The following FMN1 variants were observed in gnomAD, a reference collection of about 807,000 sequenced individuals.
The protein encoded by FMN1 is formin 1, also known as formin-1.
Under a neutral mutation model 132.4 loss-of-function variants are expected in FMN1, and 110 were observed. That is an observed-to-expected ratio of 0.83 (90% CI 0.71 to 0.97). FMN1 has a LOEUF of 0.97. FMN1 is among the 50% of genes least tolerant of loss of function. FMN1 has a pLI of 0.00. For synonymous variants in FMN1, 722 were observed against 651.7 expected, an observed-to-expected ratio of 1.11 and a Z score of -1.64; for missense variants, 1,792 against 1,705.3, an observed-to-expected ratio of 1.05 and a Z score of -0.90.
chr15:33,124,791 T>A (rs149073242), intron 4 of FMN1, among the ~76,000 whole-genome samples: 2 of 151,980 alleles, frequency 1.3e-5, no homozygotes, highest in African/African-American at 4.8e-5. Flanking sequence ...TTTTGTTTTC[T>A]TTTTTGCATG....
chr15:33,125,157 T>C (rs7181962), intron 4 of FMN1, among the ~76,000 whole-genome samples: 18,192 of 152,206 alleles, frequency 0.12, 3,249 homozygotes, highest in African/African-American at 0.39. Flanking sequence ...AATGCAGAGT[T>C]TGAATCCCTG....
At chr15:32,810,996 T>A (rs772221442) in intron 17 of FMN1, 1 of 456,300 alleles carries the variant, frequency 2.2e-6, no homozygotes, top group Non-Finnish European at 4.4e-6. Context: ...ATCCGTCTGA[T>A]GTGAGTGTGG....
chr15:33,142,359 A>C (rs764308693), intron 4 of FMN1, among the ~76,000 whole-genome samples: 36 of 152,338 alleles, frequency 2.4e-4, no homozygotes, highest in Non-Finnish European at 4.6e-4. Flanking sequence ...TCTTGAGTTT[A>C]ATCTTGTTCC....
intron 5 of FMN1, among the ~76,000 whole-genome samples, chr15:33,081,874 G>A (rs1595430958): frequency 6.6e-6 from 1 of 152,108 alleles, no homozygotes; most frequent in Non-Finnish European, 1.5e-5. Context: ...ATTACATCCA[G>A]GTTCATAAGA....
chr15:33,019,337 G>C (rs918302637), intron 6 of FMN1, among the ~76,000 whole-genome samples: 14 of 152,192 alleles, frequency 9.2e-5, no homozygotes, highest in African/African-American at 3.1e-4. Context: ...GCTAGATACA[G>C]AGTGCCAATT....
intron 5 of FMN1, among the ~76,000 whole-genome samples, chr15:33,079,862 A>G (rs1326571417): frequency 6.6e-6 from 1 of 152,216 alleles, no homozygotes; most frequent in Admixed American, 6.5e-5. Context: ...CATGACTTAA[A>G]GCGATGAGGA....
intron 17 of FMN1, among the ~76,000 whole-genome samples, chr15:32,840,103 G>A (rs2058713720): frequency 6.6e-6 from 1 of 152,172 alleles, no homozygotes; most frequent in Non-Finnish European, 1.5e-5. Context: ...AATGGGCTGG[G>A]GGCAGCTTGA....
In FMN1 at chr15:33,107,012, T is replaced by TA. The variant is rs538933340; in HGVS notation, c.1868-18039dup. On this transcript the variant is annotated intron_variant, in intron 4 of 20. Transcript: ENST00000616417. Reference sequence around the variant, plus strand: ...ATCTCATACAGGCACCCAAGTACTCTACTCATTGCTTGGCTAATACTCATT... The same window carrying TA: ...ATCTCATACAGGCACCCAAGTACTCTAACTCATTGCTTGGCTAATACTCATT... 4.5e-3 allele frequency among the ~76,000 whole-genome samples: 683 copies of TA among 152,196 alleles called. 2 individuals carry two copies. Among genetic ancestry groups the TA allele is most frequent in the Admixed American group, 7.2e-3 (110 of 15,264 alleles).
At chr15:33,173,008 C>T (rs1965386133) in intron 3 of FMN1, among the ~76,000 whole-genome samples, 1 of 152,108 alleles carries the variant, frequency 6.6e-6, no homozygotes. Flanking sequence ...TTTTCTAATA[C>T]AAGGGCAATA....
At chr15:32,823,184 C>CA (rs1207639768) in intron 17 of FMN1, among the ~76,000 whole-genome samples, 11 of 88,898 alleles carry the variant, frequency 1.2e-4, no homozygotes, top group African/African-American at 6.1e-4. Flanking sequence ...TTTTTTGAGA[C>CA]AGAGTCTTGC....
At chr15:33,109,063 C>A (rs532779791) in intron 4 of FMN1, among the ~76,000 whole-genome samples, 8 of 151,372 alleles carry the variant, frequency 5.3e-5, no homozygotes, top group Non-Finnish European at 1.0e-4. Context: ...ATAACTTTAC[C>A]ATTTATAACC....
At chr15:33,127,969 G>A (rs572761482) in intron 4 of FMN1, among the ~76,000 whole-genome samples, 2 of 152,192 alleles carry the variant, frequency 1.3e-5, no homozygotes, top group South Asian at 2.1e-4. Context: ...AAAGAAAGGG[G>A]AAAGGAAGGT....
chr15:32,932,768 A>G (rs1415105557), intron 9 of FMN1, among the ~76,000 whole-genome samples: 1 of 152,178 alleles, frequency 6.6e-6, no homozygotes, highest in Non-Finnish European at 1.5e-5. Flanking sequence ...CTCCTAGGTT[A>G]TCCAATTTTT....
At chr15:32,945,265 G>T (rs1483171251) in intron 9 of FMN1, among the ~76,000 whole-genome samples, 1 of 152,080 alleles carries the variant, frequency 6.6e-6, no homozygotes, top group African/African-American at 2.4e-5. Flanking sequence ...ATTTCCAGAG[G>T]TTTTTCCCAT....
intron 3 of FMN1, among the ~76,000 whole-genome samples, chr15:33,174,191 CAAAGA>C (rs913213765): frequency 7.9e-5 from 12 of 151,814 alleles, no homozygotes; most frequent in African/African-American, 2.7e-4. Flanking sequence ...TTTCTTTTCC[CAAAGA>C]AAAGAAAAGA....
chr15:33,115,496 C>CACACACA (rs1566928919), intron 4 of FMN1, among the ~76,000 whole-genome samples: 37 of 141,742 alleles, frequency 2.6e-4, no homozygotes, highest in African/African-American at 9.7e-4. Context: ...CTTAAGCCCC[C>CACACACA]CCCCCCCACA....
intron 6 of FMN1, among the ~76,000 whole-genome samples, chr15:33,036,316 A>T (rs2036190442): frequency 7.7e-6 from 1 of 130,038 alleles, no homozygotes; most frequent in South Asian, 2.2e-4. Flanking sequence ...ATACACTTGA[A>T]ATAAAATTAT....
At chr15:33,052,588 T>A (rs2037028192) in intron 6 of FMN1, among the ~76,000 whole-genome samples, 1 of 152,190 alleles carries the variant, frequency 6.6e-6, no homozygotes, top group Admixed American at 6.5e-5. Flanking sequence ...AGAGTTAGCA[T>A]CAGACTCCAG....
Position 32,964,257 on chromosome 15 carries a change from G to A in FMN1, c.2988C>T (p.Ser996=), listed in dbSNP as rs1451107284. The change falls in exon 9 of 21, where the codon AGC becomes AGT. Residue 996 remains serine, a splice_region_variant and synonymous_variant. Transcript: ENST00000616417. ...YWTRIQISDR[S]QNATPTLWDS... is the part of the protein sequence containing the mutation. The stretch of plus-strand genomic sequence containing the variant: ...CCCATAAGGTTGGTGTAGCATTTTG[G>A]CTTAAAAGAGAAAATGACAAGTTAA... 6.4e-7 allele frequency: 1 copy of A among 1,560,332 alleles called. No individual in the cohort carries two copies. The highest frequency in any genetic ancestry group is 1.2e-5 in the South Asian group (1 of 80,184).
Sources: allele counts gnomAD v4.1 joint callset (sites outside exome capture counted in the v4.1 genomes callset), GRCh38; gene constraint gnomAD v4.1.1; transcripts MANE v1.5; gene names NCBI Gene and HGNC (gene_info 2026-07-23, HGNC 2026-07-21).